The following ADCY9 variants were observed in gnomAD, a reference collection of about 807,000 sequenced individuals.
ADCY9 encodes the protein adenylate cyclase type 9.
Under a neutral mutation model 101.5 loss-of-function variants are expected in ADCY9, and 50 were observed. That is an observed-to-expected ratio of 0.49 (90% CI 0.39 to 0.62). The LOEUF (loss-of-function observed/expected upper bound fraction) is 0.62. ADCY9 is among the 20% of genes least tolerant of loss of function. The pLI is 0.00. For missense variants in ADCY9, 1,662 were observed against 1,800.4 expected, an observed-to-expected ratio of 0.92 and a Z score of 1.39; for synonymous variants, 905 against 769.3, an observed-to-expected ratio of 1.18 and a Z score of -2.92.
At chr16:3,967,269 C>T (rs59956200) in intron 10 of ADCY9, among the ~76,000 whole-genome samples, 3 of 152,096 alleles carry the variant, frequency 2.0e-5, no homozygotes, top group Non-Finnish European at 4.4e-5. Flanking sequence ...GAATTACAGG[C>T]GTGAGCTGCT....
At chr16:4,111,133 C>T (rs1303385420) in intron 2 of ADCY9, among the ~76,000 whole-genome samples, 1 of 152,202 alleles carries the variant, frequency 6.6e-6, no homozygotes, top group Non-Finnish European at 1.5e-5. Flanking sequence ...GAGGAGCTTC[C>T]TTCTGTGCTC....
At chr16:3,994,090 T>C (rs551529419) in intron 3 of ADCY9, among the ~76,000 whole-genome samples, 202 of 152,166 alleles carry the variant, frequency 1.3e-3, no homozygotes, top group African/African-American at 4.5e-3. Flanking sequence ...GGGGATGGCA[T>C]TGGGGGGCAA....
intron 2 of ADCY9, among the ~76,000 whole-genome samples, chr16:4,074,783 G>C (rs953793824): frequency 5.3e-5 from 8 of 150,792 alleles, no homozygotes; most frequent in Non-Finnish European, 8.9e-5. Flanking sequence ...AAAAGTGATC[G>C]AGGGGAAAAA....
At chr16:3,958,797 A>G (rs2055922277), downstream of ADCY9, among the ~76,000 whole-genome samples, 1 of 148,560 alleles carries the variant, frequency 6.7e-6, no homozygotes, top group Non-Finnish European at 1.5e-5. Context: ...TTAGCCTCCA[A>G]GTAGCTGAGA....
At chr16:4,075,780 T>C (rs1379187440) in intron 2 of ADCY9, among the ~76,000 whole-genome samples, 1 of 152,088 alleles carries the variant, frequency 6.6e-6, no homozygotes, top group Non-Finnish European at 1.5e-5. Flanking sequence ...AGGAAAAGCT[T>C]TCCAACGGAG....
rs78776378 is a variant in ADCY9 at position 3,992,948 on chromosome 16, G to A, written c.1989+458C>T. Among the ~76,000 whole-genome samples, 6 of 152,196 alleles carry A rather than the reference G, an allele frequency of 3.9e-5. No individual in the cohort carries two copies. Among genetic ancestry groups the A allele is most frequent in the African/African-American group, 1.4e-4 (6 of 41,538 alleles). ...TGAGCCCCCGCCGACAGGCTCTCGC[G>A]GGTGGGCTGAGTCCTGGCCCTGGTG... On this transcript the variant is annotated intron_variant, in intron 4 of 10. Transcript: ENST00000294016. The surrounding 1 kb of genome is among the most constrained non-coding windows in gnomAD (Gnocchi z 4.2).
chr16:4,112,929 A>G (rs890405508), intron 2 of ADCY9, among the ~76,000 whole-genome samples: 9 of 152,154 alleles, frequency 5.9e-5, no homozygotes, highest in African/African-American at 9.7e-5. Flanking sequence ...AGAAAAAACA[A>G]GCAGCCCAGT....
intron 3 of ADCY9, among the ~76,000 whole-genome samples, chr16:3,997,359 A>G (rs2056295448): frequency 6.6e-6 from 1 of 152,228 alleles, no homozygotes; most frequent in African/African-American, 2.4e-5. Context: ...AGGGGCTGGA[A>G]GGCCGGTGCA....
At chr16:3,972,158 G>T (rs74003482) in intron 10 of ADCY9, among the ~76,000 whole-genome samples, 1,701 of 152,028 alleles carry the variant, frequency 0.011, 26 homozygotes, top group African/African-American at 0.039. Context: ...AATACCAAAG[G>T]AACAAAGGAG....
At chr16:4,008,133 C>T (rs574913504) in intron 2 of ADCY9, among the ~76,000 whole-genome samples, 1 of 152,084 alleles carries the variant, frequency 6.6e-6, no homozygotes, top group Non-Finnish European at 1.5e-5. Flanking sequence ...AAACACTCAC[C>T]CCAGGAACAT....
intron 2 of ADCY9, among the ~76,000 whole-genome samples, chr16:4,016,896 G>A (rs2056442265): frequency 6.6e-6 from 1 of 152,168 alleles, no homozygotes; most frequent in Non-Finnish European, 1.5e-5. Flanking sequence ...ATTAGGTTGT[G>A]GTGATGGTTG....
intron 3 of ADCY9, among the ~76,000 whole-genome samples, chr16:4,003,014 T>A (rs12925070): frequency 6.6e-6 from 1 of 152,070 alleles, no homozygotes; most frequent in South Asian, 2.1e-4. Flanking sequence ...CTGAGCCCAG[T>A]TGGGTTTTCT....
At chr16:4,028,737 A>G (rs2056534210) in intron 2 of ADCY9, among the ~76,000 whole-genome samples, 1 of 152,136 alleles carries the variant, frequency 6.6e-6, no homozygotes, top group Non-Finnish European at 1.5e-5. Flanking sequence ...ATACCTTAGT[A>G]AAACTGTCTT....
intron 9 of ADCY9, among the ~76,000 whole-genome samples, chr16:3,975,048 C>T (rs988714066): frequency 6.6e-6 from 1 of 152,178 alleles, no homozygotes; most frequent in East Asian, 1.9e-4. Context: ...TACCCCAGAT[C>T]TGCTATTTGA....
intron 8 of ADCY9, among the ~76,000 whole-genome samples, 179 bp downstream of exon 8, chr16:3,978,937 G>T (rs527866426): frequency 6.6e-6 from 1 of 152,066 alleles, no homozygotes; most frequent in South Asian, 2.1e-4. Context: ...GGATGGTCTC[G>T]ATCTCTTGAC....
intron 2 of ADCY9, among the ~76,000 whole-genome samples, chr16:4,097,501 C>CACACACACACACTA (rs1555445955): frequency 9.5e-6 from 1 of 105,512 alleles, no homozygotes; most frequent in African/African-American, 3.6e-5. Context: ...CACACACACA[C>CACACACACACACTA]TATATATATG....
At chr16:4,046,350 T>C (rs1028718056) in intron 2 of ADCY9, among the ~76,000 whole-genome samples, 4 of 151,696 alleles carry the variant, frequency 2.6e-5, no homozygotes, top group African/African-American at 9.7e-5. Context: ...TTCGTCACCA[T>C]ATGTTGTGCA....
chr16:3,964,147 T>C lies in ADCY9; in HGVS notation c.*1628A>G, dbSNP rs913866215. On this transcript the variant is annotated 3_prime_UTR_variant, in exon 11 of 11. Coordinates refer to ENST00000294016, the MANE Select transcript of ADCY9 (RefSeq NM_001116.4). The stretch of plus-strand genomic sequence containing the variant: ...GAGGAGTAGTGATGATGGGGACTGA[T>C]GCGGTGTGAAAACGAGACAGTGAGA... 3 of 152,264 alleles carry C rather than the reference T, an allele frequency of 2.0e-5. No individual in the cohort carries two copies. Among genetic ancestry groups the C allele is most frequent in the African/African-American group, 7.2e-5 (3 of 41,446 alleles). The allele number at this position is 152,264 out of a possible 1,614,324, so 9.4% of individuals were successfully genotyped here.
intron 2 of ADCY9, among the ~76,000 whole-genome samples, chr16:4,107,659 T>C (rs1420084800): frequency 2.7e-5 from 4 of 147,446 alleles, no homozygotes; most frequent in African/African-American, 5.0e-5. Flanking sequence ...GTGGCAAGGG[T>C]TGCAGGCTTA....
Sources: gnomAD v4.1 joint callset for allele counts (sites outside exome capture counted in the v4.1 genomes callset) on GRCh38, gnomAD v4.1.1 for gene constraint, Gnocchi (gnomAD v3.1) non-coding constraint, MANE v1.5 for transcripts, NCBI Gene and HGNC (gene_info 2026-07-23, HGNC 2026-07-21) for gene names.